Variants in DENND6A observed in about 807,000 individuals in gnomAD.
DENND6A encodes the protein protein DENND6A.
In DENND6A, 43 loss-of-function variants were observed where a neutral mutation model predicts 95.5. The observed-to-expected ratio is 0.45, with a 90% confidence interval of 0.35 to 0.58. DENND6A has a LOEUF of 0.58. Ranked by LOEUF, DENND6A falls within the 20% of genes least tolerant of loss-of-function variation. The probability of loss-of-function intolerance (pLI) is 0.00; values close to 1 mark genes in which losing one functional copy is unlikely to be tolerated. For synonymous variants in DENND6A, 257 were observed against 260.4 expected (o/e 0.99, Z 0.13); for missense variants, 574 against 736.0 (o/e 0.78, Z 2.55).
intron 1 of DENND6A, among the ~76,000 whole-genome samples, chr3:57,681,634 A>AG (rs1014232489): frequency 2.4e-4 from 37 of 151,636 alleles, no homozygotes; most frequent in Non-Finnish European, 4.4e-4. Flanking sequence ...AAAAAAAAAA[A>AG]AAAGAAAGAA....
chr3:57,640,467 C>T (rs1298429648), intron 12 of DENND6A, among the ~76,000 whole-genome samples: 1 of 151,784 alleles, frequency 6.6e-6, no homozygotes, highest in African/African-American at 2.4e-5. Context: ...GAGGTGGGTG[C>T]CTGTAATCCC....
chr3:57,663,693 T>A lies in DENND6A; in HGVS notation c.456A>T (p.Gly152=), dbSNP rs2071473602. The change falls in exon 5 of 20, where the codon GGA becomes GGT. Residue 152 remains glycine (G), a synonymous_variant. Coordinates refer to ENST00000311128, the MANE Select transcript of DENND6A (RefSeq NM_152678.3). ...CTCGAACTTGTCGGAAATACACATA[T>A]CCATAAAAATAAGCAGGATCCTTCT... ...YLKKDPAYFY[G]YVYFRQVRDK... is the part of the protein sequence containing the mutation. 1.3e-6 allele frequency: 2 copies of A among 1,581,464 alleles called. No homozygotes were observed. The highest frequency in any genetic ancestry group is 1.2e-5 in the South Asian group (1 of 85,460).
intron 5 of DENND6A, among the ~76,000 whole-genome samples, chr3:57,662,729 ACT>A (rs1233946513): frequency 1.3e-5 from 2 of 152,104 alleles, no homozygotes; most frequent in Non-Finnish European, 2.9e-5. Context: ...ACTGTAACTT[ACT>A]GTCAGGAATC....
intron 1 of DENND6A, among the ~76,000 whole-genome samples, chr3:57,673,974 TGGTCAG>T (rs1409060736): frequency 2.6e-5 from 4 of 152,172 alleles, no homozygotes; most frequent in Admixed American, 2.6e-4. Flanking sequence ...TTCACCATGT[TGGTCAG>T]GGTGGTCTCG....
At chr3:57,642,557 CAG>C (rs1354749156) in intron 11 of DENND6A, among the ~76,000 whole-genome samples, 3 of 151,980 alleles carry the variant, frequency 2.0e-5, no homozygotes, top group Non-Finnish European at 2.9e-5. Flanking sequence ...GGAGCAAAAG[CAG>C]AAAGGATGAA....
intron 10 of DENND6A, among the ~76,000 whole-genome samples, 155 bp downstream of exon 10, chr3:57,646,161 A>C (rs979505593): frequency 6.6e-6 from 1 of 152,220 alleles, no homozygotes; most frequent in South Asian, 2.1e-4. Flanking sequence ...TGGTGCTATA[A>C]TAAGCATTAC....
intron 1 of DENND6A, among the ~76,000 whole-genome samples, chr3:57,684,164 A>AAG (rs2077191192): frequency 6.8e-6 from 1 of 146,264 alleles, no homozygotes; most frequent in African/African-American, 2.5e-5. Context: ...AAAAAAAAAA[A>AAG]AAAAAAGAGT....
intron 9 of DENND6A, among the ~76,000 whole-genome samples, chr3:57,651,301 T>C (rs1391574100): frequency 6.6e-6 from 1 of 152,180 alleles, no homozygotes; most frequent in Non-Finnish European, 1.5e-5. Flanking sequence ...AAACTTACAA[T>C]GGGTTTAACA....
chr3:57,671,933 A>G (rs906874410), intron 3 of DENND6A, among the ~76,000 whole-genome samples: 3 of 152,196 alleles, frequency 2.0e-5, no homozygotes, highest in East Asian at 1.9e-4. Context: ...TTCTGAACTG[A>G]AAGTAAACTA....
At chr3:57,686,253 T>C (rs1374523916) in intron 1 of DENND6A, among the ~76,000 whole-genome samples, 1 of 152,180 alleles carries the variant, frequency 6.6e-6, no homozygotes, top group African/African-American at 2.4e-5. Context: ...TGTAGAATTT[T>C]CAGGCACATA....
chr3:57,653,370 A>G (rs1420890177), intron 9 of DENND6A, among the ~76,000 whole-genome samples: 1 of 152,232 alleles, frequency 6.6e-6, no homozygotes, highest in African/African-American at 2.4e-5. Context: ...TATTATACTG[A>G]TAATATGTTA....
chr3:57,678,245 C>T (rs961682279), intron 1 of DENND6A, among the ~76,000 whole-genome samples: 1 of 152,158 alleles, frequency 6.6e-6, no homozygotes, highest in African/African-American at 2.4e-5. Flanking sequence ...AAAGATATCT[C>T]TACAGCTTAT....
chr3:57,629,657 G>A (rs1359571243), intron 18 of DENND6A, among the ~76,000 whole-genome samples: 3 of 150,370 alleles, frequency 2.0e-5, no homozygotes, highest in Non-Finnish European at 4.4e-5. Context: ...GACTACAGGC[G>A]CCTGCCACCA....
At chr3:57,657,833 G>A in intron 8 of DENND6A, 98 bp from the exon 9 acceptor site, 9 of 696,408 alleles carry the variant, frequency 1.3e-5, no homozygotes, top group Non-Finnish European at 1.9e-5. Context: ...ATGCTGCCCT[G>A]TCTAACTTTT....
chr3:57,633,146 C>T, intron 15 of DENND6A, 119 bp downstream of exon 15: 1 of 825,578 alleles, frequency 1.2e-6, no homozygotes, highest in South Asian at 1.7e-5. Flanking sequence ...TTTTTAATCA[C>T]TAAATATACC....
chr3:57,672,577 GT>G, intron 1 of DENND6A, 139 bp from the exon 2 acceptor site: 1 of 798,856 alleles, frequency 1.3e-6, no homozygotes, highest in Non-Finnish European at 2.0e-6. Context: ...GAGGTCAGGT[GT>G]TTAAGACCAA....
At chr3:57,662,185 C>CTTTTTT (rs60063768) in intron 5 of DENND6A, among the ~76,000 whole-genome samples, 55 of 79,148 alleles carry the variant, frequency 6.9e-4, no homozygotes, top group Admixed American at 1.0e-3. Context: ...TTTCTTTTTT[C>CTTTTTT]TTTTTTTTTT....
chr3:57,689,416 T>C (rs923730120), intron 1 of DENND6A, among the ~76,000 whole-genome samples: 1 of 152,184 alleles, frequency 6.6e-6, no homozygotes, highest in African/African-American at 2.4e-5. Context: ...AGGTACAGTA[T>C]ATCAAACCCA....
chr3:57,677,692 C>T lies in DENND6A; in HGVS notation c.238-5254G>A, dbSNP rs1249629964. On this transcript the variant is annotated intron_variant, in intron 1 of 19. Transcript: ENST00000311128. ...CTCAAATGATCCTCCTGCCTCCCAC[C>T]TCCCAAATTGCTGGGATTATAGGCC... Among the ~76,000 whole-genome samples, 4 of 152,060 alleles carry T rather than the reference C, an allele frequency of 2.6e-5. No homozygotes were observed. The East Asian group carries it at 7.7e-4, about 29-fold the overall frequency.
Sources: gnomAD v4.1 joint callset for allele counts (sites outside exome capture counted in the v4.1 genomes callset) on GRCh38, gnomAD v4.1.1 for gene constraint, MANE v1.5 for transcripts, NCBI Gene and HGNC (gene_info 2026-07-23, HGNC 2026-07-21) for gene names.